DHDH: variants seen among roughly 807,000 people sequenced by gnomAD.
The protein encoded by DHDH is dihydrodiol dehydrogenase.
Under a neutral mutation model 33.2 loss-of-function variants are expected in DHDH, and 29 were observed. That is an observed-to-expected ratio of 0.87 (90% CI 0.65 to 1.19). The LOEUF is 1.19. DHDH is among the 50% of genes most tolerant of loss of function. The pLI is 0.00. For missense variants in DHDH, 431 were observed against 455.0 expected (o/e 0.95, Z 0.48); for synonymous variants, 201 against 187.9 (o/e 1.07, Z -0.57).
At chr19:48,940,297 G>A (rs1405312092) in intron 4 of DHDH, among the ~76,000 whole-genome samples, 2 of 151,804 alleles carry the variant, frequency 1.3e-5, no homozygotes, top group African/African-American at 4.8e-5. Flanking sequence ...GGAGGTTGCA[G>A]TGAGCTGAGA....
chr19:48,936,715 CA>C lies in DHDH; in HGVS notation c.366+531del, dbSNP rs370151870. 8.3e-5 allele frequency among the ~76,000 whole-genome samples: 12 copies of C among 144,656 alleles called. No individual in the cohort carries two copies. In the South Asian group the frequency reaches 1.3e-3, roughly 16 times the overall value. 94.9% of individuals were successfully genotyped at this position (144,656 alleles called of 152,430 possible). ...CGTCTCAAACAAGAAAAAAAACAAACAAAAAAAAAAACAAGAAAAAGATGCC... is the reference window on the plus strand; with the variant it reads ...CGTCTCAAACAAGAAAAAAAACAAACAAAAAAAAAACAAGAAAAAGATGCC... On this transcript the variant is annotated intron_variant, in intron 3 of 6. Transcript: ENST00000221403.
Position 48,939,614 on chromosome 19 carries a change from G to T in DHDH, c.532G>T (p.Gly178Cys). 1 of 1,614,096 alleles carries T rather than the reference G, an allele frequency of 6.2e-7. No individual in the cohort carries two copies. Among genetic ancestry groups the T allele is most frequent in the Non-Finnish European group, 8.5e-7 (1 of 1,180,006 alleles). The change falls in exon 4 of 7, where the codon GGC (glycine) becomes TGC (cysteine). Residue 178 changes from glycine (G) to cysteine (C), a missense_variant. Gly to Cys is a radical substitution (Grantham distance 159). Transcript: ENST00000221403. Reference sequence around the variant, plus strand: ...GGCTGGGGGGGCCCTGCTGGACATCGGCATCTACTGTGTCCAGTTCACCTC... The same window carrying T: ...GGCTGGGGGGGCCCTGCTGGACATCTGCATCTACTGTGTCCAGTTCACCTC... ...AQAGGALLDI[G>C]IYCVQFTSMV...
chr19:48,942,882 C>T (rs2037884326), intron 5 of DHDH, among the ~76,000 whole-genome samples: 1 of 151,542 alleles, frequency 6.6e-6, no homozygotes, highest in African/African-American at 2.4e-5. Context: ...TGGTGAAACG[C>T]CATCTCTACT....
Position 48,939,688 on chromosome 19 carries a change from G to T in DHDH, c.606G>T (p.Arg202Ser). The change falls in exon 4 of 7, where the codon AGG becomes AGT. Residue 202 changes from arginine (R) to serine (S), a missense_variant. Transcript: ENST00000221403. Reference sequence around the variant, plus strand: ...CAGAGAAGATTTCTGTCGTGGGAAGGCGTCATGAAACAGGTACCATCTATC... The same window carrying T: ...CAGAGAAGATTTCTGTCGTGGGAAGTCGTCATGAAACAGGTACCATCTATC... ...QKPEKISVVGRRHETGVDDTV... is the reference protein window; with the variant it reads ...QKPEKISVVGSRHETGVDDTV... 6 of 1,601,268 alleles carry T rather than the reference G, an allele frequency of 3.7e-6. No individual in the cohort carries two copies. The highest frequency in any genetic ancestry group is 5.1e-6 in the Non-Finnish European group (6 of 1,170,434).
Position 48,939,436 on chromosome 19 carries a change from T to C in DHDH, c.367-13T>C, listed in dbSNP as rs1201745981. 3 of 1,606,298 alleles carry C rather than the reference T, an allele frequency of 1.9e-6. No individual in the cohort carries two copies. The highest frequency in any genetic ancestry group is 2.7e-5 in the African/African-American group (2 of 74,728). On this transcript the variant is annotated splice_polypyrimidine_tract_variant and intron_variant, in intron 3 of 6. Transcript: ENST00000221403. ...AGAACTGGTTGGTTAACTCCTTTCC[T>C]TGTGGTCTGCAGGCCATCTGGACCC...
At chr19:48,937,753 A>AG (rs2037800136) in intron 3 of DHDH, among the ~76,000 whole-genome samples, 1 of 150,726 alleles carries the variant, frequency 6.6e-6, no homozygotes, top group South Asian at 2.1e-4. Flanking sequence ...CGGAGGTTGC[A>AG]GTGAGCTAAG....
At chr19:48,937,056 T>C (rs995829914) in intron 3 of DHDH, among the ~76,000 whole-genome samples, 2 of 151,640 alleles carry the variant, frequency 1.3e-5, no homozygotes, top group Non-Finnish European at 2.9e-5. Flanking sequence ...AGTGCTGGGA[T>C]TACAGGCGTG....
intron 5 of DHDH, among the ~76,000 whole-genome samples, chr19:48,943,358 A>T (rs2037893330): frequency 1.3e-5 from 2 of 151,096 alleles, no homozygotes; most frequent in Non-Finnish European, 2.9e-5. Context: ...GGTCAGCTTA[A>T]CTGGTCTTCC....
Position 48,939,789 on chromosome 19 carries a change from T to A in DHDH, c.619+88T>A. 3.3e-6 allele frequency: 5 copies of A among 1,493,264 alleles called. No individual in the cohort carries two copies. The South Asian group carries it at 6.7e-5, about 20-fold the overall frequency. The allele number at this position is 1,493,264 out of a possible 1,614,324, so 92.5% of individuals were successfully genotyped here. Reference sequence around the variant, plus strand: ...AACTGAGGACAAGTCTCCAAGTCAATGAGAATTAGATCAGACACCTAGAGG... The same window carrying A: ...AACTGAGGACAAGTCTCCAAGTCAAAGAGAATTAGATCAGACACCTAGAGG... On this transcript the variant is annotated intron_variant, in intron 4 of 6. Transcript: ENST00000221403.
intron 3 of DHDH, among the ~76,000 whole-genome samples, chr19:48,937,828 A>G (rs985951453): frequency 6.7e-6 from 1 of 150,032 alleles, no homozygotes; most frequent in South Asian, 2.1e-4. Flanking sequence ...AAAAAAAAAA[A>G]AAAAAGAAAT....
intron 1 of DHDH, 32 bp from the exon 2 acceptor site, chr19:48,934,968 G>A (rs980472705): frequency 6.7e-7 from 1 of 1,492,660 alleles, no homozygotes; most frequent in South Asian, 1.3e-5. Flanking sequence ...GCCTGCCTCA[G>A]CCCCTCAAAT....
At chr19:48,938,157 C>T (rs953269990) in intron 3 of DHDH, among the ~76,000 whole-genome samples, 2 of 151,732 alleles carry the variant, frequency 1.3e-5, no homozygotes, top group African/African-American at 4.8e-5. Context: ...AGTGCAATGG[C>T]GTGATCTCGG....
rs377038055 is a variant in DHDH at position 48,936,189 on chromosome 19, T to G, written c.360T>G (p.Leu120=). The G allele has an allele frequency of 2.0e-5, 32 of 1,591,234 alleles. No individual in the cohort carries two copies. In the African/African-American group the frequency reaches 3.8e-4, roughly 19 times the overall value. Residue 120 remains leucine, a synonymous_variant, in exon 3 of 7, where the codon CTT becomes CTG. Transcript: ENST00000221403. ...AGGCCCGATCCCGAGCCCTCTTCCT[T>G]ATGGAGGTGAGGGCAGAGGAGCCCT... The part of the protein sequence containing the change: ...VAEARSRALF[L]MEAIWTRFFP...
chr19:48,933,236 T>G (rs73942356), upstream of DHDH, among the ~76,000 whole-genome samples: 12,904 of 152,158 alleles, frequency 0.085, 616 homozygotes, highest in Admixed American at 0.12. Context: ...GAGGAGCTGG[T>G]CTACAGGTGC....
chr19:48,938,195 T>G (rs1280669441), intron 3 of DHDH, among the ~76,000 whole-genome samples: 1 of 151,898 alleles, frequency 6.6e-6, no homozygotes, highest in Non-Finnish European at 1.5e-5. Flanking sequence ...TGCCCGGCTT[T>G]AAGTGATTCT....
chr19:48,940,160 C>G (rs2037838510), intron 4 of DHDH, among the ~76,000 whole-genome samples: 1 of 151,652 alleles, frequency 6.6e-6, no homozygotes, highest in Non-Finnish European at 1.5e-5. Context: ...TTGGAGACCA[C>G]CCTGGCCAAT....
chr19:48,940,553 C>T (rs1396323216), intron 4 of DHDH, among the ~76,000 whole-genome samples: 1 of 151,148 alleles, frequency 6.6e-6, no homozygotes, highest in African/African-American at 2.4e-5. Context: ...TAACACTACC[C>T]CAAAACTTAG....
chr19:48,939,690 G>A lies in DHDH; in HGVS notation c.608G>A (p.Arg203His), dbSNP rs370312954. The A allele has an allele frequency of 4.4e-5, 70 of 1,600,356 alleles. No individual in the cohort carries two copies. Among genetic ancestry groups the A allele is most frequent in the Middle Eastern group, 1.7e-4 (1 of 6,018 alleles). ...GAGAAGATTTCTGTCGTGGGAAGGC[G>A]TCATGAAACAGGTACCATCTATCCT... is the stretch of plus-strand genomic sequence containing the variant. Reference protein sequence around the residue: ...KPEKISVVGRRHETGVDDTVT... With the variant: ...KPEKISVVGRHHETGVDDTVT... Residue 203 changes from arginine to histidine, a missense_variant, in exon 4 of 7, where the codon CGT becomes CAT. Coordinates refer to ENST00000221403, the MANE Select transcript of DHDH (RefSeq NM_014475.4).
chr19:48,937,298 G>C (rs574298295), intron 3 of DHDH, among the ~76,000 whole-genome samples: 229 of 152,230 alleles, frequency 1.5e-3, no homozygotes, highest in Non-Finnish European at 2.4e-3. Context: ...CGACTGCTCC[G>C]AGCCCGGGCG....
Sources: gnomAD v4.1 joint callset for allele counts (sites outside exome capture counted in the v4.1 genomes callset) on GRCh38, gnomAD v4.1.1 for gene constraint, MANE v1.5 for transcripts, NCBI Gene and HGNC (gene_info 2026-07-23, HGNC 2026-07-21) for gene names.